Variants in NXPE2 observed in about 807,000 individuals in gnomAD.
NXPE2 encodes NXPE family member 2.
In NXPE2, 34 loss-of-function variants were observed where a neutral mutation model predicts 34.4. The observed-to-expected ratio is 0.99, with a 90% CI of 0.75 to 1.31. The LOEUF is 1.31. Among genes scored for constraint, NXPE2 ranks in the 40% most tolerant of loss-of-function variants. NXPE2 has a pLI of 0.00. For synonymous variants in NXPE2, 235 were observed against 231.3 expected (o/e 1.02, Z -0.15); for missense variants, 649 against 672.5 (o/e 0.97, Z 0.39).
At chr11:114,583,687 C>A in the NXPE2 span, 4 of 579,576 alleles carry the variant, frequency 6.9e-6, no homozygotes, top group Non-Finnish European at 6.9e-6. Flanking sequence ...CAAAGAAGTT[C>A]AAGGCATCTG....
chr11:114,798,681 C>A, the NXPE2 span, among the ~76,000 whole-genome samples: 2 of 152,208 alleles, frequency 1.3e-5, no homozygotes, highest in African/African-American at 4.8e-5. Flanking sequence ...TGCACCCGGC[C>A]GGGACTCTTT....
At chr11:114,522,464 T>G in the NXPE2 span, 5 of 1,609,682 alleles carry the variant, frequency 3.1e-6, no homozygotes, top group Non-Finnish European at 4.2e-6. Context: ...CAAATGTTTC[T>G]TAAAGATTCC....
At chr11:114,638,669 TTTTC>T in the NXPE2 span, among the ~76,000 whole-genome samples, 1 of 152,098 alleles carries the variant, frequency 6.6e-6, no homozygotes, top group African/African-American at 2.4e-5. Context: ...TGTTTGTTAG[TTTTC>T]TTTCTAACAG....
chr11:114,809,669 C>A, the NXPE2 span, among the ~76,000 whole-genome samples: 1 of 146,622 alleles, frequency 6.8e-6, no homozygotes, highest in Non-Finnish European at 1.5e-5. Flanking sequence ...AACTACAAAC[C>A]ACTGCTCAAG....
chr11:114,663,579 T>TATC, the NXPE2 span, among the ~76,000 whole-genome samples: 1 of 147,974 alleles, frequency 6.8e-6, no homozygotes, highest in Non-Finnish European at 1.5e-5. Context: ...CTATCATCTC[T>TATC]ATCTATCATC....
chr11:114,766,504 C>T, the NXPE2 span, among the ~76,000 whole-genome samples: 2 of 151,856 alleles, frequency 1.3e-5, no homozygotes, highest in Non-Finnish European at 2.9e-5. Flanking sequence ...TTTTTTCTTC[C>T]TCTTCACTCC....
At chr11:114,612,718 C>T in the NXPE2 span, among the ~76,000 whole-genome samples, 24 of 151,666 alleles carry the variant, frequency 1.6e-4, no homozygotes, top group African/African-American at 5.6e-4. Flanking sequence ...TAATGTGTTG[C>T]CTCGTGGGTA....
At chr11:114,680,640 C>G (rs945032999) in intron 2 of NXPE2, among the ~76,000 whole-genome samples, 1 of 151,694 alleles carries the variant, frequency 6.6e-6, no homozygotes, top group African/African-American at 2.4e-5. Flanking sequence ...AGTCTGGGAG[C>G]CTTCTGCCCA....
the NXPE2 span, among the ~76,000 whole-genome samples, chr11:114,639,780 AATATAAT>A: frequency 7.9e-6 from 1 of 127,116 alleles, no homozygotes; most frequent in East Asian, 2.2e-4. Context: ...AATAATATAA[AATATAAT>A]ATATATTATA....
the NXPE2 span, among the ~76,000 whole-genome samples, chr11:114,766,375 A>G: frequency 6.6e-6 from 1 of 152,126 alleles, no homozygotes; most frequent in Non-Finnish European, 1.5e-5. Context: ...CCTAGCTTTG[A>G]ATATAATTTG....
the NXPE2 span, among the ~76,000 whole-genome samples, chr11:114,791,041 TG>T: frequency 6.6e-6 from 1 of 151,248 alleles, no homozygotes; most frequent in Non-Finnish European, 1.5e-5. Context: ...GAGATGGAGG[TG>T]GCAGAGAGAA....
chr11:114,785,288 G>C, the NXPE2 span, among the ~76,000 whole-genome samples: 4 of 152,030 alleles, frequency 2.6e-5, no homozygotes, highest in African/African-American at 9.7e-5. Flanking sequence ...TTGCAGTTGA[G>C]GAAACTGAGG....
chr11:114,484,117 A>G, the NXPE2 span, among the ~76,000 whole-genome samples: 5 of 152,130 alleles, frequency 3.3e-5, no homozygotes, highest in Non-Finnish European at 7.4e-5. Flanking sequence ...CTGGGCTCCT[A>G]CTGATGCTGA....
At chr11:114,542,359 A>G in the NXPE2 span, among the ~76,000 whole-genome samples, 5 of 152,228 alleles carry the variant, frequency 3.3e-5, no homozygotes, top group Non-Finnish European at 7.3e-5. Context: ...TATTTTTCCC[A>G]GATCGTTCCT....
the NXPE2 span, among the ~76,000 whole-genome samples, chr11:114,469,010 G>A: frequency 6.7e-6 from 1 of 148,656 alleles, no homozygotes; most frequent in Non-Finnish European, 1.5e-5. Flanking sequence ...AATTCACAAT[G>A]AAAATAGTTA....
At chr11:114,746,451 A>G in the NXPE2 span, among the ~76,000 whole-genome samples, 1 of 152,252 alleles carries the variant, frequency 6.6e-6, no homozygotes, top group Non-Finnish European at 1.5e-5. Flanking sequence ...AAGGATTGTT[A>G]CAAAACCAGA....
the NXPE2 span, among the ~76,000 whole-genome samples, chr11:114,783,331 C>G: frequency 6.6e-6 from 1 of 152,302 alleles, no homozygotes; most frequent in African/African-American, 2.4e-5. Context: ...CTCTACTGTT[C>G]CCACCTGAGG....
At chr11:114,644,826 A>T in the NXPE2 span, among the ~76,000 whole-genome samples, 376 of 141,508 alleles carry the variant, frequency 2.7e-3, 1 homozygote, top group African/African-American at 9.0e-3. Context: ...ATATCAATTT[A>T]AAAAAAAAAA....
the NXPE2 span, among the ~76,000 whole-genome samples, chr11:114,492,312 G>A: frequency 2.0e-4 from 30 of 151,820 alleles, no homozygotes; most frequent in African/African-American, 7.0e-4. Flanking sequence ...AATCCCTCTT[G>A]TTATCGATTT....
Sources: gnomAD v4.1 joint callset for allele counts (sites outside exome capture counted in the v4.1 genomes callset) on GRCh38, gnomAD v4.1.1 for gene constraint, MANE v1.5 for transcripts, NCBI Gene and HGNC (gene_info 2026-07-23, HGNC 2026-07-21) for gene names.